The following LRRN4 variants were observed in gnomAD, a reference collection of about 807,000 sequenced individuals.
LRRN4 encodes leucine-rich repeat neuronal protein 4.
A neutral mutation model predicts 22.3 loss-of-function variants in LRRN4; 26 were observed. The observed-to-expected ratio is 1.16, with a 90% confidence interval of 0.85 to 1.62. The LOEUF (loss-of-function observed/expected upper bound fraction) is 1.62, where lower values mean the gene tolerates loss of function less well. Ranked by LOEUF, LRRN4 falls within the 40% of genes most tolerant of loss-of-function variation. The pLI is 0.00. For synonymous variants in LRRN4, 496 were observed against 486.2 expected (o/e 1.02, Z -0.26); for missense variants, 1,070 against 1,008.5 (o/e 1.06, Z -0.83).
intron 4 of LRRN4, among the ~76,000 whole-genome samples, chr20:6,043,420 T>G (rs2123051984): frequency 6.6e-6 from 1 of 150,888 alleles, no homozygotes; most frequent in South Asian, 2.1e-4. Flanking sequence ...GTCTCTAAAA[T>G]AAATTAATAA....
Position 6,050,831 on chromosome 20 carries a change from C to T in LRRN4, c.808G>A (p.Ala270Thr), listed in dbSNP as rs34360701. Residue 270 changes from alanine to threonine, a missense_variant, in exon 3 of 5, where the codon GCC becomes ACC. Physicochemically the swap from Ala to Thr is moderately conservative, Grantham distance 58 (BLOSUM62 0). Coordinates refer to ENST00000378858, the MANE Select transcript of LRRN4 (RefSeq NM_152611.5). ...CQDSPALASV[A>T]THIFQDTPHL... ...GGAGTATCTTGAAAGATGTGTGTGG[C>T]GACAGAAGCAAGTGCTGGGGAGTCC... is the stretch of plus-strand genomic sequence containing the variant. 9,242 of 1,613,604 alleles carry T rather than the reference C, an allele frequency of 5.7e-3. 435 individuals are homozygous for T. In the African/African-American group the frequency reaches 0.1, roughly 18 times the overall value.
At position 6,041,336 on chromosome 20, in the gene LRRN4, G is replaced by T; in HGVS notation, c.1909C>A (p.Pro637Thr). 1 of 1,597,766 alleles carries T rather than the reference G, an allele frequency of 6.3e-7. No homozygotes were observed. Reference sequence around the variant, plus strand: ...GTGCCCGGCGACAGCCCGTACAGAGGGTGCTGCCGGGCCGTGGCGTAGATG... The same window carrying T: ...GTGCCCGGCGACAGCCCGTACAGAGTGTGCTGCCGGGCCGTGGCGTAGATG... ...GVIYATARQH[P>T]LYGLSPGTTY... Residue 637 changes from proline (P) to threonine (T), a missense_variant, in exon 5 of 5, where the codon CCT becomes ACT. Coordinates refer to ENST00000378858, the MANE Select transcript of LRRN4 (RefSeq NM_152611.5). This position sits in a 1 kb window ranked among gnomAD's most constrained non-coding sequence, Gnocchi z 9.4.
intron 2 of LRRN4, 59 bp downstream of exon 2, chr20:6,052,086 G>T (rs1314115136): frequency 3.3e-6 from 5 of 1,513,608 alleles, no homozygotes; most frequent in South Asian, 1.3e-5. Flanking sequence ...CCCCCGGAGC[G>T]CACGCGCAGC....
intron 3 of LRRN4, among the ~76,000 whole-genome samples, chr20:6,046,797 A>G (rs925809217): frequency 6.7e-5 from 10 of 148,868 alleles, no homozygotes; most frequent in African/African-American, 2.4e-4. Context: ...AACTTAAGCC[A>G]TATGTGCATA....
rs199665734 is a variant in LRRN4, at chr20:6,041,779, G to A, written c.1466C>T (p.Ser489Leu). Residue 489 changes from serine (S) to leucine (L), a missense_variant, in exon 5 of 5, where the codon TCG becomes TTG. Ser to Leu is a moderately radical substitution (Grantham distance 145, BLOSUM62 -2). Transcript: ENST00000378858. The surrounding 1 kb of genome is among the most constrained non-coding windows in gnomAD (Gnocchi z 9.4). ...AGGCGAGCTTATGCTGCGGTCCCAC[G>A]AGGTAGGGAAGGGGCCCAGGAGCTT... ...ASKLLGPFPT[S>L]WDRSISSPQP... 2 of 1,614,052 alleles carry A rather than the reference G, an allele frequency of 1.2e-6. No homozygotes were observed. Among genetic ancestry groups the A allele is most frequent in the South Asian group, 1.1e-5 (1 of 91,078 alleles).
At chr20:6,042,367 AC>A in intron 4 of LRRN4, 121 bp from the exon 5 acceptor site, 1 of 1,116,142 alleles carries the variant, frequency 9.0e-7, no homozygotes, top group Non-Finnish European at 1.2e-6. Context: ...TCTGCCAGGC[AC>A]CCCAGGGCAC....
intron 4 of LRRN4, 114 bp downstream of exon 4, chr20:6,044,429 C>T (rs1568640585): frequency 1.8e-6 from 2 of 1,128,904 alleles, no homozygotes; most frequent in East Asian, 3.2e-5. Context: ...GGCTGCCCAG[C>T]CCAACATGGC....
chr20:6,041,193 G>T lies in LRRN4; in HGVS notation c.2052C>A (p.Leu684=). The change falls in exon 5 of 5, where the codon CTC becomes CTA. Residue 684 remains leucine, a synonymous_variant. Transcript: ENST00000378858. The surrounding 1 kb of genome is among the most constrained non-coding windows in gnomAD (Gnocchi z 9.4). ...GGCCGCTGGCGGCGCACAGCCCAGAGAGCAGGAGCGCGAAGCTGGGCTTGG... is the reference window on the plus strand; with the variant it reads ...GGCCGCTGGCGGCGCACAGCCCAGATAGCAGGAGCGCGAAGCTGGGCTTGG... ...FTTKPSFALL[L]SGLCAASGLL... 6.3e-7 allele frequency: 1 copy of T among 1,591,878 alleles called. No homozygotes were observed. Among genetic ancestry groups the T allele is most frequent in the South Asian group, 1.1e-5 (1 of 89,382 alleles).
In LRRN4 at chr20:6,040,818, G is replaced by C. The variant is rs1980900588; in HGVS notation, c.*204C>G. On this transcript the variant is annotated 3_prime_UTR_variant, in exon 5 of 5. Transcript: ENST00000378858. ...TCTGGCATTGACCATCAGGTTTCTGGGAACAGAGTTAAGTAGAAGGAAGGG... is the reference window on the plus strand; with the variant it reads ...TCTGGCATTGACCATCAGGTTTCTGCGAACAGAGTTAAGTAGAAGGAAGGG... 1 of 676,206 alleles carries C rather than the reference G, an allele frequency of 1.5e-6. No individual in the cohort carries two copies. Among genetic ancestry groups the C allele is most frequent in the East Asian group, 2.8e-5 (1 of 35,282 alleles). The allele number at this position is 676,206 out of a possible 1,614,324, so 41.9% of individuals were successfully genotyped here. A position where few individuals can be genotyped will look rare whatever the true frequency, so the allele number is the denominator to read the frequency against.
chr20:6,042,135 G>C lies in LRRN4; in HGVS notation c.1110C>G (p.Leu370=), dbSNP rs764857911. Residue 370 remains leucine, a synonymous_variant, in exon 5 of 5, where the codon CTC becomes CTG. Transcript: ENST00000378858. ...TGAAGCAAGGTGGGTGTGAAGCCCC[G>C]AGAGTGGTGCTTTGGTCGGACTGGC... ...GVCQSDQSTT[L]GASHPPCFNR... 2.5e-6 allele frequency: 4 copies of C among 1,614,138 alleles called. No individual in the cohort carries two copies. In the East Asian group the frequency reaches 8.9e-5, roughly 36 times the overall value.
In LRRN4 at chr20:6,050,813, C is replaced by G. The variant is rs1294030370; in HGVS notation, c.826G>C (p.Asp276His). The G allele has an allele frequency of 5.6e-6, 9 of 1,613,800 alleles. No homozygotes were observed. Among genetic ancestry groups the G allele is most frequent in the Non-Finnish European group, 5.9e-6 (7 of 1,179,932 alleles). ...AGAAGGACCTGTAGATGTGGAGTAT[C>G]TTGAAAGATGTGTGTGGCGACAGAA... ...LASVATHIFQ[D>H]TPHLQVLLFQ... The change falls in exon 3 of 5, where the codon GAT becomes CAT. Residue 276 changes from aspartate to histidine, a missense_variant. Asp to His is a moderately conservative substitution (Grantham distance 81, BLOSUM62 -1). Transcript: ENST00000378858.
At position 6,041,658 on chromosome 20, in the gene LRRN4, C is replaced by T. The variant is rs972203345; in HGVS notation, c.1587G>A (p.Glu529=). 2 of 1,610,280 alleles carry T rather than the reference C, an allele frequency of 1.2e-6. No individual in the cohort carries two copies. The highest frequency in any genetic ancestry group is 2.2e-5 in the South Asian group (2 of 90,380). Residue 529 remains glutamate (E), a synonymous_variant, in exon 5 of 5, where the codon GAG becomes GAA. Coordinates refer to ENST00000378858, the MANE Select transcript of LRRN4 (RefSeq NM_152611.5). The surrounding 1 kb of genome is among the most constrained non-coding windows in gnomAD (Gnocchi z 9.4). ...IPVLLLDDYS[E]EEEGRKEEVG... ...CCTCCTCCTTCCTCCCTTCCTCCTC[C>T]TCACTGTAGTCGTCCAGCAGCAAGA... is the stretch of plus-strand genomic sequence containing the variant.
rs751391065 is a variant in LRRN4 at position 6,052,447 on chromosome 20, G to A, written c.353C>T (p.Pro118Leu). Residue 118 changes from proline (P) to leucine (L), a missense_variant, in exon 2 of 5, where the codon CCG becomes CTG. By Grantham distance (98) the Pro-to-Leu change is moderately conservative. Coordinates refer to ENST00000378858, the MANE Select transcript of LRRN4 (RefSeq NM_152611.5). ...HNRIAALRWG[P>L]GGPAGLHTLD... ...GGTGTGCAGCCCCGCCGGCCCACCCGGGCCCCAGCGCAGCGCGGCGATGCG... is the reference window on the plus strand; with the variant it reads ...GGTGTGCAGCCCCGCCGGCCCACCCAGGCCCCAGCGCAGCGCGGCGATGCG... The A allele has an allele frequency of 6.4e-7, 1 of 1,552,724 alleles. No homozygotes were observed. Among genetic ancestry groups the A allele is most frequent in the East Asian group, 2.4e-5 (1 of 42,080 alleles).
At position 6,052,164 on chromosome 20, in the gene LRRN4, G is replaced by T. The variant is rs764635127; in HGVS notation, c.636C>A (p.Ser212Arg). The change falls in exon 2 of 5, where the codon AGC becomes AGA. Residue 212 changes from serine to arginine, a missense_variant. Transcript: ENST00000378858. ...ACTCACCCCGTTCAAGGAACGTGCC[G>T]CTGAGATCCAGGACTTCGAGCGTGA... is the stretch of plus-strand genomic sequence containing the variant. ...PLVTLEVLDL[S>R]GTFLERVESG... 42 of 1,598,352 alleles carry T rather than the reference G, an allele frequency of 2.6e-5. No homozygotes were observed. In the East Asian group the frequency reaches 8.6e-4, roughly 33 times the overall value.
intron 3 of LRRN4, among the ~76,000 whole-genome samples, chr20:6,048,217 TCTC>T (rs2123056100): frequency 7.2e-6 from 1 of 137,982 alleles, no homozygotes; most frequent in East Asian, 2.1e-4. Context: ...GACATCACAT[TCTC>T]CTGGTTTTTC....
chr20:6,044,309 G>C (rs1017940976), intron 4 of LRRN4, among the ~76,000 whole-genome samples: 1 of 152,176 alleles, frequency 6.6e-6, no homozygotes, highest in African/African-American at 2.4e-5. Context: ...TCCCAGCCTG[G>C]CTCACCAAAA....
In LRRN4 at chr20:6,052,437, C is replaced by T. The variant is rs1237442155; in HGVS notation, c.363G>A (p.Pro121=). 18 of 1,548,650 alleles carry T rather than the reference C, an allele frequency of 1.2e-5. No homozygotes were observed. The highest frequency in any genetic ancestry group is 2.6e-6 in the Non-Finnish European group (3 of 1,156,238). The change falls in exon 2 of 5, where the codon CCG becomes CCA. Residue 121 remains proline, a synonymous_variant. Transcript: ENST00000378858. ...IAALRWGPGG[P]AGLHTLDLSY... Reference sequence around the variant, plus strand: ...TGAGGTCCAGGGTGTGCAGCCCCGCCGGCCCACCCGGGCCCCAGCGCAGCG... The same window carrying T: ...TGAGGTCCAGGGTGTGCAGCCCCGCTGGCCCACCCGGGCCCCAGCGCAGCG...
intron 3 of LRRN4, among the ~76,000 whole-genome samples, chr20:6,045,625 G>A (rs982854479): frequency 6.7e-6 from 1 of 149,066 alleles, no homozygotes; most frequent in African/African-American, 2.4e-5. Context: ...CCTCATTTAA[G>A]TGCATCAGTG....
At chr20:6,049,722 C>T (rs113305256) in intron 3 of LRRN4, among the ~76,000 whole-genome samples, 3,678 of 152,138 alleles carry the variant, frequency 0.024, 106 homozygotes, top group Non-Finnish European at 0.028. Context: ...AGGCTGGTCT[C>T]GAACTCCTGA....
Sources: gnomAD v4.1 joint callset for allele counts (sites outside exome capture counted in the v4.1 genomes callset) on GRCh38, gnomAD v4.1.1 for gene constraint, Gnocchi (gnomAD v3.1) non-coding constraint, MANE v1.5 for transcripts, NCBI Gene and HGNC (gene_info 2026-07-23, HGNC 2026-07-21) for gene names.